ATR: variants seen among roughly 807,000 people sequenced by gnomAD.
ATR encodes ATR checkpoint kinase.
In ATR, 142 loss-of-function variants were observed where a neutral mutation model predicts 305.3. That is an observed-to-expected ratio of 0.47 (90% confidence interval 0.41 to 0.53). The LOEUF is 0.53. ATR is among the 20% of genes least tolerant of loss of function. The pLI, the probability that ATR is intolerant of heterozygous loss-of-function variation, is 0.00. For synonymous variants in ATR, 1,050 were observed against 1,068.1 expected (o/e 0.98, Z 0.33); for missense variants, 2,135 against 3,133.1 (o/e 0.68, Z 7.60).
rs1268421099 is a variant in ATR at position 142,451,757 on chromosome 3, A to AT, written c.7761+1370_7761+1371insA. The AT allele has an allele frequency of 1.3e-5, 14 of 1,056,476 alleles. No individual in the cohort carries two copies. The East Asian group carries it at 6.2e-4, about 46-fold the overall frequency. The allele number at this position is 1,056,476 out of a possible 1,614,324, so 65.4% of individuals were successfully genotyped here. The stretch of plus-strand genomic sequence containing the variant: ...ACTGAGCCCAGCTAATTAAAAAAAA[A>AT]CAAAAACTATTTGTAGAGACCAGGG... On this transcript the variant is annotated intron_variant, in intron 46 of 46. Coordinates refer to ENST00000350721, the MANE Select transcript of ATR (RefSeq NM_001184.4).
At chr3:142,522,364 A>AC (rs1415595566) in intron 23 of ATR, among the ~76,000 whole-genome samples, 1 of 152,050 alleles carries the variant, frequency 6.6e-6, no homozygotes, top group South Asian at 2.1e-4. Context: ...CTGGAACTGA[A>AC]CCCCTACTAT....
At chr3:142,563,155 A>G in intron 3 of ATR, 46 bp from the exon 4 acceptor site, 1 of 1,537,326 alleles carries the variant, frequency 6.5e-7, no homozygotes, top group Middle Eastern at 2.1e-4. Flanking sequence ...GTATATCCGA[A>G]GTGCTAATTC....
chr3:142,532,351 A>C (rs1469688739), intron 21 of ATR, among the ~76,000 whole-genome samples: 1 of 152,158 alleles, frequency 6.6e-6, no homozygotes, highest in Non-Finnish European at 1.5e-5. Flanking sequence ...GCTTCTTACA[A>C]AGTTATCTTT....
chr3:142,565,925 T>A (rs535655433), intron 3 of ATR, among the ~76,000 whole-genome samples, 196 bp downstream of exon 3: 2 of 152,154 alleles, frequency 1.3e-5, no homozygotes, highest in Non-Finnish European at 2.9e-5. Context: ...TATTTCTAAG[T>A]ACCTAGTATA....
rs534730893 is a variant in ATR, at chr3:142,478,510, C to G, written c.6221+6630G>C. Reference sequence around the variant, plus strand: ...TTGCTGAGGAGTGCTTTACTTCCAACTATGTGGTCAGTTTTGGAATAGGTG... The same window carrying G: ...TTGCTGAGGAGTGCTTTACTTCCAAGTATGTGGTCAGTTTTGGAATAGGTG... On this transcript the variant is annotated intron_variant, in intron 36 of 46. Coordinates refer to ENST00000350721, the MANE Select transcript of ATR (RefSeq NM_001184.4). 4.1e-3 allele frequency among the ~76,000 whole-genome samples: 628 copies of G among 152,178 alleles called. 12 individuals are homozygous for G. Among genetic ancestry groups the G allele is most frequent in the African/African-American group, 0.015 (608 of 41,524 alleles).
At chr3:142,502,863 T>G (rs111634551) in intron 30 of ATR, among the ~76,000 whole-genome samples, 2,731 of 152,364 alleles carry the variant, frequency 0.018, 29 homozygotes, top group South Asian at 0.041. Context: ...TCAGCCTTAA[T>G]GTTTTGCCAC....
chr3:142,560,477 G>T, intron 5 of ATR, 23 bp from the exon 6 acceptor site: 1 of 1,553,500 alleles, frequency 6.4e-7, no homozygotes, highest in Non-Finnish European at 8.9e-7. Context: ...ATATAGTAGA[G>T]AGATATTCAT....
At chr3:142,496,313 T>TACATATATATATAC in intron 34 of ATR, 48 bp downstream of exon 34, 1 of 198,746 alleles carries the variant, frequency 5.0e-6, no homozygotes, top group African/African-American at 3.2e-5. Context: ...TATATATATA[T>TACATATATATATAC]ATATATATAT....
chr3:142,514,997 T>C (rs2032797405), intron 25 of ATR, among the ~76,000 whole-genome samples: 1 of 152,116 alleles, frequency 6.6e-6, no homozygotes, highest in South Asian at 2.1e-4. Flanking sequence ...ATTTTTATTT[T>C]AGAGAAAGTT....
At chr3:142,466,619 C>G in intron 39 of ATR, 86 bp from the exon 40 acceptor site, 1 of 1,281,434 alleles carries the variant, frequency 7.8e-7, no homozygotes, top group Non-Finnish European at 1.1e-6. Context: ...ATTTTGATTA[C>G]AAAGGTTCAG....
intron 18 of ATR, among the ~76,000 whole-genome samples, chr3:142,539,822 A>G (rs1047925841): frequency 6.6e-6 from 1 of 152,202 alleles, no homozygotes; most frequent in Non-Finnish European, 1.5e-5. Flanking sequence ...AGAAGGAATA[A>G]TAAAATTAGA....
At chr3:142,558,935 C>G (rs975808549) in intron 7 of ATR, 159 bp from the exon 8 acceptor site, 13 of 730,538 alleles carry the variant, frequency 1.8e-5, no homozygotes, top group Non-Finnish European at 2.6e-5. Context: ...GTCTGTGAAC[C>G]CAAAGAAATT....
At chr3:142,565,434 A>G (rs1478234108) in intron 3 of ATR, among the ~76,000 whole-genome samples, 2 of 152,216 alleles carry the variant, frequency 1.3e-5, no homozygotes, top group Non-Finnish European at 2.9e-5. Flanking sequence ...TAGGTGCAAT[A>G]AAGAATAAGC....
At chr3:142,539,115 T>C (rs1196589932) in intron 18 of ATR, among the ~76,000 whole-genome samples, 2 of 152,150 alleles carry the variant, frequency 1.3e-5, no homozygotes, top group African/African-American at 2.4e-5. Context: ...TGGTAGCACA[T>C]GCACACAGAA....
intron 8 of ATR, 96 bp from the exon 9 acceptor site, chr3:142,556,671 CAT>C (rs1432047733): frequency 1.8e-6 from 2 of 1,123,046 alleles, no homozygotes; most frequent in African/African-American, 3.2e-5. Flanking sequence ...TTTGTGTATA[CAT>C]ATATATAAAT....
chr3:142,473,836 G>T (rs1283768368), intron 36 of ATR, among the ~76,000 whole-genome samples: 3 of 151,804 alleles, frequency 2.0e-5, no homozygotes, highest in Non-Finnish European at 4.4e-5. Flanking sequence ...ACCACGCCCG[G>T]CCAGCTTTGT....
At chr3:142,568,296 G>A in intron 1 of ATR, 142 bp from the exon 2 acceptor site, 1 of 674,336 alleles carries the variant, frequency 1.5e-6, no homozygotes, top group Non-Finnish European at 2.6e-6. Flanking sequence ...AAATTGAAAA[G>A]AAAATCTGAA....
At chr3:142,507,488 C>T (rs966351926) in intron 28 of ATR, among the ~76,000 whole-genome samples, 1 of 152,292 alleles carries the variant, frequency 6.6e-6, no homozygotes. Context: ...TTCCCTAGTT[C>T]GCACCCTCCA....
In ATR at chr3:142,497,603, AAT is replaced by A. The variant is rs1242058347; in HGVS notation, c.5559-413_5559-412del. On this transcript the variant is annotated intron_variant, in intron 32 of 46. Transcript: ENST00000350721. Reference sequence around the variant, plus strand: ...AATAAATAAATAAATAAATAAATAAAATTAATTACATTAAACTTTTAAAATAA... The same window carrying A: ...AATAAATAAATAAATAAATAAATAAATAATTACATTAAACTTTTAAAATAA... 8.2e-4 allele frequency among the ~76,000 whole-genome samples: 124 copies of A among 151,484 alleles called. 1 individual carries two copies. Among genetic ancestry groups the A allele is most frequent in the Non-Finnish European group, 1.0e-4 (7 of 67,844 alleles).
Sources: allele counts gnomAD v4.1 joint callset (sites outside exome capture counted in the v4.1 genomes callset), GRCh38; gene constraint gnomAD v4.1.1; transcripts MANE v1.5; gene names NCBI Gene and HGNC (gene_info 2026-07-23, HGNC 2026-07-21).